The following USH2A variants were observed in gnomAD, a reference collection of about 807,000 sequenced individuals.
USH2A encodes the protein usherin, also known as Usher syndrome 2A (autosomal recessive, mild).
USH2A carries 443 observed loss-of-function variants against 538.9 expected under a neutral mutation model. The ratio of observed to expected loss-of-function variants is 0.82; its 90% CI spans 0.76 to 0.89. The LOEUF (loss-of-function observed/expected upper bound fraction) is 0.89. USH2A is among the 40% of genes least tolerant of loss of function. USH2A has a pLI of 0.00. For missense variants in USH2A, 6,633 were observed against 6,324.8 expected, an observed-to-expected ratio of 1.05 and a Z score of -1.65; for synonymous variants, 2,413 against 2,273.5, an observed-to-expected ratio of 1.06 and a Z score of -1.75.
chr1:216,359,934 G>A (rs1260646025), intron 4 of USH2A, among the ~76,000 whole-genome samples: 1 of 152,090 alleles, frequency 6.6e-6, no homozygotes, highest in Non-Finnish European at 1.5e-5. Context: ...GTGAGGATGT[G>A]GGGCAACAGG....
At position 215,758,747 on chromosome 1, in the gene USH2A, G is replaced by A. The variant is rs751112632; in HGVS notation, c.11237C>T (p.Thr3746Ile). The A allele has an allele frequency of 3.7e-6, 6 of 1,613,612 alleles. No individual in the cohort carries two copies. Among genetic ancestry groups the A allele is most frequent in the Non-Finnish European group, 4.2e-6 (5 of 1,179,890 alleles). ...TCCAGTTTTGACTTCTAACTTGTAAGTGTATCTATATTTAAAAAGAAAGAA... is the reference window on the plus strand; with the variant it reads ...TCCAGTTTTGACTTCTAACTTGTAAATGTATCTATATTTAAAAAGAAAGAA... ...DKNLEPNSRY[T>I]YKLEVKTGGG... The change falls in exon 58 of 72, where the codon ACT becomes ATT. Residue 3746 changes from threonine (T) to isoleucine (I), a missense_variant. Coordinates refer to ENST00000307340, the MANE Select transcript of USH2A (RefSeq NM_206933.4).
chr1:216,164,609 G>A (rs2034131033), intron 21 of USH2A, among the ~76,000 whole-genome samples: 1 of 152,094 alleles, frequency 6.6e-6, no homozygotes, highest in South Asian at 2.1e-4. Context: ...GGAGAAATGA[G>A]ATGCAGAACA....
At chr1:216,076,888 T>C (rs2031771181) in intron 27 of USH2A, among the ~76,000 whole-genome samples, 1 of 151,968 alleles carries the variant, frequency 6.6e-6, no homozygotes, top group South Asian at 2.1e-4. Context: ...CGTGGGAGGG[T>C]GCTTGGTCCT....
At chr1:216,074,378 G>T (rs1212160257) in intron 27 of USH2A, among the ~76,000 whole-genome samples, 2 of 151,662 alleles carry the variant, frequency 1.3e-5, no homozygotes, top group East Asian at 1.9e-4. Context: ...AGTTTGAAAG[G>T]CCTCAAACAC....
At chr1:216,292,045 G>T in intron 10 of USH2A, 130 bp downstream of exon 10, 1 of 1,095,532 alleles carries the variant, frequency 9.1e-7, no homozygotes, top group Non-Finnish European at 1.3e-6. Flanking sequence ...AACTAGCTTT[G>T]ATTTTCAAAC....
chr1:215,881,239 C>T (rs1465675806), intron 41 of USH2A, among the ~76,000 whole-genome samples: 3 of 152,320 alleles, frequency 2.0e-5, no homozygotes, highest in South Asian at 2.1e-4. Context: ...CTTCTGGGTT[C>T]GAGCGATTCT....
intron 4 of USH2A, among the ~76,000 whole-genome samples, chr1:216,341,468 C>T (rs1193267928): frequency 6.6e-6 from 1 of 152,134 alleles, no homozygotes; most frequent in Non-Finnish European, 1.5e-5. Context: ...CTACCATTGA[C>T]TTTCTTCACA....
At chr1:216,064,879 C>A (rs2031299406) in intron 30 of USH2A, among the ~76,000 whole-genome samples, 1 of 152,110 alleles carries the variant, frequency 6.6e-6, no homozygotes, top group Admixed American at 6.5e-5. Context: ...ACACATTTCT[C>A]AGAACATATC....
chr1:215,953,558 C>T (rs371345561), intron 37 of USH2A, among the ~76,000 whole-genome samples: 4,406 of 151,314 alleles, frequency 0.029, 98 homozygotes, highest in South Asian at 0.073. Context: ...ATACAAAAAT[C>T]AATTCAAGAT....
In USH2A at chr1:216,084,789, A is replaced by G; in HGVS notation, c.5076T>C (p.Asp1692=). 2 of 1,613,612 alleles carry G rather than the reference A, an allele frequency of 1.2e-6. No individual in the cohort carries two copies. The highest frequency in any genetic ancestry group is 1.7e-6 in the Non-Finnish European group (2 of 1,179,714). ...YNPSAIWEPL[D]WQSSEEQINV... ...TGATTTGTTCTTCAGAACTCTGCCA[A>G]TCCAGAGGTTCCCAAATAGCTGACG... is the stretch of plus-strand genomic sequence containing the variant. Residue 1692 remains aspartate, a synonymous_variant, in exon 25 of 72, where the codon GAT becomes GAC. Transcript: ENST00000307340.
At chr1:215,827,012 G>A (rs1219608957) in intron 47 of USH2A, among the ~76,000 whole-genome samples, 1 of 152,172 alleles carries the variant, frequency 6.6e-6, no homozygotes, top group African/African-American at 2.4e-5. Flanking sequence ...AAGATGATGA[G>A]TTAGATAAGA....
intron 32 of USH2A, among the ~76,000 whole-genome samples, chr1:216,010,681 C>G: frequency 6.6e-6 from 1 of 151,514 alleles, no homozygotes; most frequent in East Asian, 1.9e-4. Context: ...TTAAAACTCT[C>G]CAACTCTGGT....
chr1:215,910,300 T>C (rs1472386393), intron 38 of USH2A, among the ~76,000 whole-genome samples: 1 of 151,978 alleles, frequency 6.6e-6, no homozygotes, highest in Non-Finnish European at 1.5e-5. Context: ...TTTATTGTAA[T>C]GTCTTTATTT....
Position 215,758,580 on chromosome 1 carries a change from CTTT to C in USH2A, c.11389+12_11389+14del, listed in dbSNP as rs79494833. 9 of 1,355,254 alleles carry C rather than the reference CTTT, an allele frequency of 6.6e-6. No homozygotes were observed. The highest frequency in any genetic ancestry group is 7.2e-6 in the Non-Finnish European group (7 of 970,196). The allele number at this position is 1,355,254 out of a possible 1,614,324, so 84.0% of individuals were successfully genotyped here. On this transcript the variant is annotated intron_variant, in intron 58 of 71. Transcript: ENST00000307340. ...TGTTTACACACACACACACATACTTCTTTTTTTTTTTTACCTGGTGGTATCCAA... is the reference window on the plus strand; with the variant it reads ...TGTTTACACACACACACACATACTTCTTTTTTTTTACCTGGTGGTATCCAA...
At chr1:215,671,405 T>C in intron 63 of USH2A, 112 bp from the exon 64 acceptor site, 1 of 1,111,400 alleles carries the variant, frequency 9.0e-7, no homozygotes, top group Non-Finnish European at 1.3e-6. Context: ...TGTATTCTTA[T>C]TCACAGCTAA....
At chr1:216,137,097 G>A (rs2033500550) in intron 21 of USH2A, among the ~76,000 whole-genome samples, 2 of 152,146 alleles carry the variant, frequency 1.3e-5, no homozygotes, top group African/African-American at 2.4e-5. Context: ...CTAAAATGCT[G>A]AAAGACTGAC....
intron 17 of USH2A, among the ~76,000 whole-genome samples, chr1:216,199,053 A>G (rs2034921474): frequency 6.6e-6 from 1 of 152,174 alleles, no homozygotes; most frequent in Non-Finnish European, 1.5e-5. Flanking sequence ...GTTATAGTCA[A>G]TCTCTACCCA....
At chr1:216,133,264 T>G (rs569029391) in intron 21 of USH2A, among the ~76,000 whole-genome samples, 12 of 152,232 alleles carry the variant, frequency 7.9e-5, no homozygotes, top group African/African-American at 2.9e-4. Flanking sequence ...TATTTTGTTT[T>G]TAGGCCTCTG....
intron 46 of USH2A, among the ~76,000 whole-genome samples, chr1:215,842,805 T>C (rs1663719791): frequency 6.6e-6 from 1 of 151,886 alleles, no homozygotes; most frequent in South Asian, 2.1e-4. Context: ...CACTGGGGCC[T>C]GTTGGGGGGG....
Sources: allele counts gnomAD v4.1 joint callset (sites outside exome capture counted in the v4.1 genomes callset), GRCh38; gene constraint gnomAD v4.1.1; transcripts MANE v1.5; gene names NCBI Gene and HGNC (gene_info 2026-07-23, HGNC 2026-07-21).